SATL1: variants seen among roughly 807,000 people sequenced by gnomAD.
SATL1 encodes spermidine/spermine N1-acetyl transferase like 1, also known as spermidine/spermine N(1)-acetyltransferase-like protein 1.
Under a neutral mutation model 51.8 loss-of-function variants are expected in SATL1, and 47 were observed. The observed-to-expected ratio is 0.91, with a 90% CI of 0.72 to 1.16. The LOEUF (loss-of-function observed/expected upper bound fraction) is 1.16, where lower values mean the gene tolerates loss of function less well. SATL1 is among the 50% of genes most tolerant of loss of function. SATL1 has a pLI of 0.00. For missense variants in SATL1, 520 were observed against 526.4 expected, an observed-to-expected ratio of 0.99 and a Z score of 0.12; for synonymous variants, 176 against 182.4, an observed-to-expected ratio of 0.97 and a Z score of 0.28.
chrX:85,151,662 G>C (rs1364549925), intron 2 of SATL1, among the ~76,000 whole-genome samples: 1 of 110,724 alleles, frequency 9.0e-6, no homozygotes, highest in East Asian at 2.9e-4. Context: ...AAATAATGCC[G>C]CATATCTACA....
At chrX:85,117,249 T>G (rs1415637944) in intron 2 of SATL1, 1 of 111,548 alleles carries the variant, frequency 9.0e-6, no homozygotes, top group Admixed American at 9.6e-5. Flanking sequence ...CGTTAAAGCT[T>G]TATAATAAAC....
At chrX:85,191,793 A>G (rs1464892928) in intron 2 of SATL1, among the ~76,000 whole-genome samples, 1 of 111,691 alleles carries the variant, frequency 9.0e-6, no homozygotes, top group East Asian at 2.8e-4. Flanking sequence ...AGGAGGAGGA[A>G]GAAAAAAGGT....
At chrX:85,191,136 AT>A (rs1290301680) in intron 2 of SATL1, among the ~76,000 whole-genome samples, 1 of 110,932 alleles carries the variant, frequency 9.0e-6, no homozygotes, top group African/African-American at 3.3e-5. Context: ...ATAATAAAAA[AT>A]GATACCCATT....
At position 85,107,340 on chromosome X, in the gene SATL1, C is replaced by A; in HGVS notation, c.1629G>T (p.Leu543Phe). ...AAAATAGGCTTACTTTAATCAGTCG[C>A]AAAATTTCTGGGCAGTCTCCAGCCT... ...HAEAGDCPEI[L>F]RLIKELAACE... Residue 543 changes from leucine (L) to phenylalanine (F), a missense_variant, in exon 3 of 8, where the codon TTG becomes TTT. Leu to Phe is a conservative substitution (Grantham distance 22). This residue lies in a region of SATL1 where 488 missense variants were observed against 474.3 expected (regional missense o/e 1.03). Coordinates refer to ENST00000644105, the MANE Select transcript of SATL1 (RefSeq NM_001367857.2). 62 of 1,210,803 alleles carry A rather than the reference C, an allele frequency of 5.1e-5. No individual in the cohort carries two copies. The highest frequency in any genetic ancestry group is 6.8e-5 in the Non-Finnish European group (61 of 894,483).
At chrX:85,221,907 A>T (rs1928184811) in intron 2 of SATL1, among the ~76,000 whole-genome samples, 1 of 112,105 alleles carries the variant, frequency 8.9e-6, no homozygotes, top group Non-Finnish European at 1.9e-5. Context: ...CAGTCTAAGC[A>T]GGAATAGACA....
Position 85,108,517 on chromosome X carries a change from G to C in SATL1, c.452C>G (p.Pro151Arg), listed in dbSNP as rs776123923. 2.2e-4 allele frequency: 272 copies of C among 1,209,949 alleles called. No individual in the cohort carries two copies. Among genetic ancestry groups the C allele is most frequent in the Admixed American group, 2.0e-3 (93 of 45,806 alleles). ...GCTGGTGCCTACTTGTCTCATGCTT[G>C]GTTGGCTCCCACCTGACTGGCTGTC... ...QLDSQSGGSQ[P>R]SMRQVGTSQL... The change falls in exon 3 of 8, where the codon CCA becomes CGA. Residue 151 changes from proline (P) to arginine (R), a missense_variant. Coordinates refer to ENST00000644105, the MANE Select transcript of SATL1 (RefSeq NM_001367857.2).
intron 2 of SATL1, among the ~76,000 whole-genome samples, chrX:85,131,208 C>A (rs762336369): frequency 1.2e-4 from 13 of 111,368 alleles, no homozygotes; most frequent in African/African-American, 3.9e-4. Flanking sequence ...TCCTTGTTAA[C>A]TTTTTGTCTA....
At chrX:85,103,014 C>T (rs189912459) in intron 4 of SATL1, among the ~76,000 whole-genome samples, 121 of 111,403 alleles carry the variant, frequency 1.1e-3, no homozygotes, top group African/African-American at 3.7e-3. Flanking sequence ...GTGTACATTA[C>T]TTTCAACTTT....
intron 2 of SATL1, among the ~76,000 whole-genome samples, chrX:85,215,167 A>G (rs1011369095): frequency 4.5e-5 from 5 of 111,637 alleles, no homozygotes; most frequent in Admixed American, 9.5e-5. Context: ...TAGCTTGAGC[A>G]GTACCTGGGG....
intron 2 of SATL1, among the ~76,000 whole-genome samples, chrX:85,121,334 A>T (rs1925500910): frequency 9.5e-6 from 1 of 105,521 alleles, no homozygotes; most frequent in African/African-American, 3.4e-5. Context: ...ATATAAATAT[A>T]TAAATATATA....
intron 2 of SATL1, among the ~76,000 whole-genome samples, chrX:85,180,962 C>T (rs996938235): frequency 9.1e-6 from 1 of 109,972 alleles, no homozygotes; most frequent in African/African-American, 3.3e-5. Flanking sequence ...CTTCAGGAGA[C>T]ATTAAGTACA....
intron 2 of SATL1, among the ~76,000 whole-genome samples, chrX:85,129,026 G>C (rs763978565): frequency 3.6e-5 from 4 of 111,669 alleles, no homozygotes; most frequent in African/African-American, 1.3e-4. Flanking sequence ...TGGTACCAGT[G>C]CCATGCTGTT....
chrX:85,198,464 C>T (rs1927620878), intron 2 of SATL1, among the ~76,000 whole-genome samples: 1 of 111,694 alleles, frequency 9.0e-6, no homozygotes, highest in Non-Finnish European at 1.9e-5. Context: ...TAGAGGGTTC[C>T]CTTTTCTCCA....
At chrX:85,239,986 A>AT (rs1193853616) in intron 1 of SATL1, among the ~76,000 whole-genome samples, 5 of 111,695 alleles carry the variant, frequency 4.5e-5, no homozygotes, top group African/African-American at 9.7e-5. Flanking sequence ...ATTTGAAAAC[A>AT]TTTTTTCTGC....
intron 1 of SATL1, among the ~76,000 whole-genome samples, chrX:85,233,034 AGTG>A (rs1224734336): frequency 8.9e-6 from 1 of 112,197 alleles, no homozygotes; most frequent in Non-Finnish European, 1.9e-5. Flanking sequence ...GCACAGTGTC[AGTG>A]GTGGTGGCCA....
intron 2 of SATL1, among the ~76,000 whole-genome samples, chrX:85,197,848 T>C (rs957456453): frequency 4.5e-4 from 50 of 110,718 alleles, no homozygotes; most frequent in African/African-American, 1.5e-3. Flanking sequence ...TATGGCTGCA[T>C]AGTATTCCAT....
chrX:85,146,597 A>C (rs184672484), intron 2 of SATL1, among the ~76,000 whole-genome samples: 3 of 112,482 alleles, frequency 2.7e-5, no homozygotes, highest in African/African-American at 9.7e-5. Flanking sequence ...GAGTCCTGGA[A>C]TCTATCACCT....
At chrX:85,196,477 G>A (rs1292448443) in intron 2 of SATL1, among the ~76,000 whole-genome samples, 2 of 111,168 alleles carry the variant, frequency 1.8e-5, no homozygotes, top group Non-Finnish European at 3.8e-5. Flanking sequence ...AAATTCATAT[G>A]CAAATGCCAG....
intron 2 of SATL1, among the ~76,000 whole-genome samples, chrX:85,131,583 G>A (rs1331909076): frequency 3.6e-5 from 4 of 110,984 alleles, no homozygotes; most frequent in African/African-American, 1.3e-4. Context: ...GCACACTGAA[G>A]GGTATTGACT....
Sources: allele counts gnomAD v4.1 joint callset (sites outside exome capture counted in the v4.1 genomes callset), GRCh38; gene constraint gnomAD v4.1.1; regional missense constraint gnomAD v4.1.1; transcripts MANE v1.5; gene names NCBI Gene and HGNC (gene_info 2026-07-23, HGNC 2026-07-21).